CLASP2: variants seen among roughly 807,000 people sequenced by gnomAD.
CLASP2 encodes CLIP-associating protein 2.
In CLASP2, 47 loss-of-function variants were observed where a neutral mutation model predicts 194.4. The observed-to-expected ratio is 0.24, with a 90% CI of 0.19 to 0.31. The LOEUF (loss-of-function observed/expected upper bound fraction) is 0.31, where lower values mean the gene tolerates loss of function less well. CLASP2 is among the 10% of genes least tolerant of loss of function. The pLI is 1.00. For missense variants in CLASP2, 1,445 were observed against 1,823.6 expected, an observed-to-expected ratio of 0.79 and a Z score of 3.78; for synonymous variants, 619 against 633.5, an observed-to-expected ratio of 0.98 and a Z score of 0.34.
At chr3:33,647,686 G>A (rs1473777881) in intron 7 of CLASP2, among the ~76,000 whole-genome samples, 1 of 152,200 alleles carries the variant, frequency 6.6e-6, no homozygotes, top group African/African-American at 2.4e-5. Flanking sequence ...AGGGCAGATG[G>A]TTTTGATCCG....
At chr3:33,596,123 C>T (rs1444393915) in intron 19 of CLASP2, among the ~76,000 whole-genome samples, 1 of 151,592 alleles carries the variant, frequency 6.6e-6, no homozygotes, top group Non-Finnish European at 1.5e-5. Context: ...TATCTAGTAT[C>T]AGACAAAAAA....
intron 14 of CLASP2, 24 bp from the exon 15 acceptor site, chr3:33,607,485 G>A (rs1038612477): frequency 7.2e-6 from 11 of 1,528,204 alleles, no homozygotes; most frequent in Non-Finnish European, 9.0e-6. Flanking sequence ...TACATCTTTA[G>A]AGTTATGATA....
chr3:33,630,569 T>G (rs1215006223), intron 9 of CLASP2, among the ~76,000 whole-genome samples: 1 of 145,806 alleles, frequency 6.9e-6, no homozygotes, highest in Non-Finnish European at 1.5e-5. Context: ...AAAAAAAAAA[T>G]CAGATTCTAA....
chr3:33,688,501 C>T, intron 3 of CLASP2, 133 bp from the exon 4 acceptor site: 2 of 681,360 alleles, frequency 2.9e-6, no homozygotes, highest in Non-Finnish European at 4.8e-6. Context: ...TTCATTTCTC[C>T]ACTACTTACA....
chr3:33,594,310 G>T (rs2069633882), intron 20 of CLASP2, among the ~76,000 whole-genome samples: 1 of 152,038 alleles, frequency 6.6e-6, no homozygotes, highest in African/African-American at 2.4e-5. Flanking sequence ...TTTATATTTT[G>T]AATCGGAGGT....
chr3:33,508,496 C>T (rs2048907939), intron 37 of CLASP2, among the ~76,000 whole-genome samples: 3 of 151,488 alleles, frequency 2.0e-5, no homozygotes, highest in South Asian at 4.2e-4. Context: ...AGCCAGCTAA[C>T]TTTTGTATTT....
At chr3:33,556,224 C>T (rs1352064119) in intron 29 of CLASP2, among the ~76,000 whole-genome samples, 1 of 152,084 alleles carries the variant, frequency 6.6e-6, no homozygotes, top group East Asian at 1.9e-4. Flanking sequence ...TTTATATAAA[C>T]ATCCATCATT....
chr3:33,551,428 A>G, intron 29 of CLASP2, 33 bp from the exon 30 acceptor site: 2 of 1,600,648 alleles, frequency 1.2e-6, no homozygotes, highest in Non-Finnish European at 1.7e-6. Flanking sequence ...AAAGGACAGA[A>G]AGATGGTTAT....
intron 32 of CLASP2, among the ~76,000 whole-genome samples, chr3:33,541,879 A>G (rs1023899445): frequency 1.3e-5 from 2 of 152,122 alleles, no homozygotes; most frequent in African/African-American, 2.4e-5. Context: ...GGCTCAAATT[A>G]TATTTCTGTC....
intron 1 of CLASP2, 88 bp from the exon 2 acceptor site, chr3:33,697,021 C>A: frequency 2.7e-6 from 2 of 746,682 alleles, no homozygotes; most frequent in Non-Finnish European, 4.5e-6. Context: ...AAAAGATCTT[C>A]ATAAATATAT....
At chr3:33,658,208 T>C (rs2084643476) in intron 7 of CLASP2, among the ~76,000 whole-genome samples, 1 of 152,172 alleles carries the variant, frequency 6.6e-6, no homozygotes, top group African/African-American at 2.4e-5. Flanking sequence ...CTGGGACATA[T>C]TGTCTCAGCA....
At chr3:33,546,438 AT>A (rs2059162237) in intron 30 of CLASP2, among the ~76,000 whole-genome samples, 1 of 152,096 alleles carries the variant, frequency 6.6e-6, no homozygotes, top group African/African-American at 2.4e-5. Context: ...CTAATGTCAT[AT>A]TTGTTTTACT....
intron 34 of CLASP2, among the ~76,000 whole-genome samples, chr3:33,529,810 T>C (rs1275127863): frequency 6.6e-6 from 1 of 151,418 alleles, no homozygotes; most frequent in East Asian, 1.9e-4. Context: ...TGAAACCCCG[T>C]CTCTACTAAA....
chr3:33,663,410 G>C lies in CLASP2; in HGVS notation c.715+35C>G, dbSNP rs773340756. The C allele has an allele frequency of 1.6e-5, 25 of 1,560,410 alleles. No individual in the cohort carries two copies. The South Asian group carries it at 2.2e-4, about 14-fold the overall frequency. On this transcript the variant is annotated intron_variant, in intron 7 of 38. Transcript: ENST00000682230. ...TTAGTGCCTAAAACTTTGCTAAATA[G>C]TCTTAGAAATGTTTGAGAGCTTAAT...
At chr3:33,591,391 T>C (rs912140390) in intron 21 of CLASP2, among the ~76,000 whole-genome samples, 7 of 152,142 alleles carry the variant, frequency 4.6e-5, no homozygotes, top group Non-Finnish European at 7.3e-5. Context: ...GGTGGGAGGA[T>C]TGCGTGAGGC....
intron 23 of CLASP2, among the ~76,000 whole-genome samples, chr3:33,578,036 T>C (rs1560122216): frequency 6.6e-6 from 1 of 152,224 alleles, no homozygotes; most frequent in Non-Finnish European, 1.5e-5. Flanking sequence ...AGCTAAAGCC[T>C]AGAGAGAGAT....
rs2045823481 is a variant in CLASP2 at position 33,496,658 on chromosome 3, G to T, written c.*1973C>A. ...CTGTTCAGCTTAAGTCACTCTACTTGGTTGTCAACAGTAGTTAAAGCAGTA... is the reference window on the plus strand; with the variant it reads ...CTGTTCAGCTTAAGTCACTCTACTTTGTTGTCAACAGTAGTTAAAGCAGTA... On this transcript the variant is annotated 3_prime_UTR_variant, in exon 39 of 39. Coordinates refer to ENST00000682230, the MANE Select transcript of CLASP2 (RefSeq NM_001365631.1). 1 of 152,056 alleles carries T rather than the reference G, an allele frequency of 6.6e-6. No individual in the cohort carries two copies. The highest frequency in any genetic ancestry group is 2.4e-5 in the African/African-American group (1 of 41,404). 9.4% of individuals were successfully genotyped at this position (152,056 alleles called of 1,614,324 possible).
intron 6 of CLASP2, among the ~76,000 whole-genome samples, chr3:33,678,409 G>A (rs1317351820): frequency 6.6e-6 from 1 of 152,120 alleles, no homozygotes; most frequent in Admixed American, 6.5e-5. Flanking sequence ...GAGGAGCAAA[G>A]ATAAAAACTA....
In CLASP2 at chr3:33,546,816, A is replaced by G. The variant is rs139167431; in HGVS notation, c.3154-1975T>C. 9.8e-3 allele frequency among the ~76,000 whole-genome samples: 1,496 copies of G among 152,358 alleles called. 11 individuals carry two copies. Among genetic ancestry groups the G allele is most frequent in the Middle Eastern group, 0.02 (6 of 294 alleles). On this transcript the variant is annotated intron_variant, in intron 30 of 38. Coordinates refer to ENST00000682230, the MANE Select transcript of CLASP2 (RefSeq NM_001365631.1). ...TACTCTGTGAGTTAAAAATGTGCCAATAATTTCTACAGTCACATCAGTATT... is the reference window on the plus strand; with the variant it reads ...TACTCTGTGAGTTAAAAATGTGCCAGTAATTTCTACAGTCACATCAGTATT...
Sources: gnomAD v4.1 joint callset for allele counts (sites outside exome capture counted in the v4.1 genomes callset) on GRCh38, gnomAD v4.1.1 for gene constraint, MANE v1.5 for transcripts, NCBI Gene and HGNC (gene_info 2026-07-23, HGNC 2026-07-21) for gene names.